RALYL: variants seen among roughly 807,000 people sequenced by gnomAD.
RALYL encodes RALY RNA binding protein like, also known as RNA-binding Raly-like protein.
Under a neutral mutation model 35.1 loss-of-function variants are expected in RALYL, and 29 were observed. The observed-to-expected ratio is 0.83, with a 90% confidence interval of 0.61 to 1.13. The LOEUF is 1.13. Among genes scored for constraint, RALYL ranks in the 50% most tolerant of loss-of-function variants. The probability of loss-of-function intolerance (pLI) is 0.00; values close to 1 mark genes in which losing one functional copy is unlikely to be tolerated. For synonymous variants in RALYL, 120 were observed against 127.6 expected, an observed-to-expected ratio of 0.94 and a Z score of 0.40; for missense variants, 359 against 360.4, an observed-to-expected ratio of 1.00 and a Z score of 0.03.
chr8:84,259,705 C>T (rs370554953), intron 1 of RALYL, among the ~76,000 whole-genome samples: 106 of 152,244 alleles, frequency 7.0e-4, no homozygotes, highest in African/African-American at 2.5e-3. Flanking sequence ...TACTGTTTAT[C>T]TTTTTATCCC....
intron 2 of RALYL, among the ~76,000 whole-genome samples, chr8:84,772,131 T>G (rs1815677973): frequency 6.6e-6 from 1 of 152,126 alleles, no homozygotes; most frequent in Non-Finnish European, 1.5e-5. Flanking sequence ...ATCTGCTATG[T>G]CGGCTCCATG....
At chr8:84,632,583 C>CTG (rs112708469) in intron 2 of RALYL, among the ~76,000 whole-genome samples, 6,457 of 145,022 alleles carry the variant, frequency 0.045, 247 homozygotes, top group East Asian at 0.17. Flanking sequence ...TTATATAGAC[C>CTG]TGTGTGTGTG....
intron 1 of RALYL, among the ~76,000 whole-genome samples, chr8:84,314,045 C>T (rs1377780349): frequency 6.6e-6 from 1 of 152,092 alleles, no homozygotes; most frequent in African/African-American, 2.4e-5. Flanking sequence ...GGGGAGGGCT[C>T]AGGAAACTTC....
At chr8:84,871,688 G>A (rs2135218187) in intron 6 of RALYL, among the ~76,000 whole-genome samples, 1 of 152,150 alleles carries the variant, frequency 6.6e-6, no homozygotes, top group South Asian at 2.1e-4. Context: ...TCATTCCTCA[G>A]AGGGATACTC....
chr8:84,348,669 C>A (rs1563771312), intron 1 of RALYL, among the ~76,000 whole-genome samples: 1 of 152,076 alleles, frequency 6.6e-6, no homozygotes, highest in Non-Finnish European at 1.5e-5. Flanking sequence ...CATATTCCAG[C>A]AGTTTCTCAA....
At chr8:84,789,753 AAGGCTGAGGTGGG>A (rs1382704675) in intron 3 of RALYL, among the ~76,000 whole-genome samples, 2 of 152,098 alleles carry the variant, frequency 1.3e-5, no homozygotes, top group African/African-American at 4.8e-5. Flanking sequence ...AGCTACTCAG[AAGGCTGAGGTGGG>A]AGGATCACTT....
chr8:84,903,657 C>A (rs190414749), intron 8 of RALYL, among the ~76,000 whole-genome samples: 4 of 152,228 alleles, frequency 2.6e-5, no homozygotes, highest in Middle Eastern at 3.4e-3. Context: ...TAGCCTTGCA[C>A]GTAGTTTGCC....
At chr8:84,279,061 C>T (rs1367477626) in intron 1 of RALYL, among the ~76,000 whole-genome samples, 1 of 152,078 alleles carries the variant, frequency 6.6e-6, no homozygotes, top group Admixed American at 6.6e-5. Context: ...ACTCACAGTC[C>T]CACATGGCTG....
intron 1 of RALYL, among the ~76,000 whole-genome samples, chr8:84,257,074 A>G (rs1394998005): frequency 6.6e-6 from 1 of 151,948 alleles, no homozygotes; most frequent in African/African-American, 2.4e-5. Context: ...AAGATTTTAT[A>G]TTGGTTTAAT....
At chr8:84,226,926 T>C (rs915416833) in intron 1 of RALYL, among the ~76,000 whole-genome samples, 8 of 152,054 alleles carry the variant, frequency 5.3e-5, no homozygotes, top group Non-Finnish European at 7.4e-5. Flanking sequence ...GTGTTATTAG[T>C]GAATTAATGG....
chr8:84,237,186 G>A (rs1826781116), intron 1 of RALYL, among the ~76,000 whole-genome samples: 1 of 152,198 alleles, frequency 6.6e-6, no homozygotes, highest in East Asian at 1.9e-4. Context: ...AGCCCATGCT[G>A]GAACCAGTGT....
chr8:84,775,897 G>A (rs1357154128), intron 3 of RALYL, among the ~76,000 whole-genome samples: 4 of 152,112 alleles, frequency 2.6e-5, no homozygotes, highest in African/African-American at 9.7e-5. Context: ...TGCTGACTTT[G>A]TGTCTATTGC....
chr8:84,390,676 A>G (rs533848108), intron 1 of RALYL, among the ~76,000 whole-genome samples: 1 of 151,878 alleles, frequency 6.6e-6, no homozygotes, highest in African/African-American at 2.4e-5. Context: ...TTTCTGTGGG[A>G]TCAGTGGTGA....
At chr8:84,810,982 T>G (rs1191691344) in intron 4 of RALYL, among the ~76,000 whole-genome samples, 1 of 152,156 alleles carries the variant, frequency 6.6e-6, no homozygotes, top group Non-Finnish European at 1.5e-5. Flanking sequence ...TTTAGGCCAT[T>G]TATATTCAAT....
At chr8:84,847,625 T>G (rs1212664156) in intron 4 of RALYL, among the ~76,000 whole-genome samples, 1 of 152,150 alleles carries the variant, frequency 6.6e-6, no homozygotes, top group African/African-American at 2.4e-5. Context: ...CACAGTTGTA[T>G]CTATACTATT....
intron 1 of RALYL, among the ~76,000 whole-genome samples, chr8:84,240,546 A>G (rs1016071423): frequency 3.2e-4 from 48 of 152,340 alleles, no homozygotes; most frequent in African/African-American, 1.2e-3. Context: ...AAATGTCACA[A>G]GGTGAAATAT....
intron 2 of RALYL, among the ~76,000 whole-genome samples, chr8:84,622,317 T>C (rs1029667881): frequency 3.3e-5 from 5 of 152,190 alleles, no homozygotes; most frequent in African/African-American, 1.2e-4. Flanking sequence ...AGGAAGAATA[T>C]AAAAGTGTTT....
chr8:84,346,162 A>G (rs1849793421), intron 1 of RALYL: 2 of 631,948 alleles, frequency 3.2e-6, no homozygotes, highest in Non-Finnish European at 3.9e-6. Flanking sequence ...TAAGTGTTCA[A>G]CAAATGTTTG....
At position 84,398,712 on chromosome 8, in the gene RALYL, A is replaced by G. The variant is rs560382172; in HGVS notation, c.-23-130587A>G. 5.3e-5 allele frequency among the ~76,000 whole-genome samples: 8 copies of G among 152,298 alleles called. No individual in the cohort carries two copies. The South Asian group carries it at 1.7e-3, about 32-fold the overall frequency. Reference sequence around the variant, plus strand: ...AATCCAGGCCAGTGCAGTGGCTCCCACCTGTAATCCCATCACTTTGGAAGG... The same window carrying G: ...AATCCAGGCCAGTGCAGTGGCTCCCGCCTGTAATCCCATCACTTTGGAAGG... On this transcript the variant is annotated intron_variant, in intron 1 of 8. Transcript: ENST00000521268.
Sources: gnomAD v4.1 joint callset for allele counts (sites outside exome capture counted in the v4.1 genomes callset) on GRCh38, gnomAD v4.1.1 for gene constraint, MANE v1.5 for transcripts, NCBI Gene and HGNC (gene_info 2026-07-23, HGNC 2026-07-21) for gene names.